The following ZBTB24 variants were observed in gnomAD, a reference collection of about 807,000 sequenced individuals.
ZBTB24 encodes the protein zinc finger and BTB domain-containing protein 24.
A neutral mutation model predicts 53.8 loss-of-function variants in ZBTB24; 32 were observed. The observed-to-expected ratio is 0.60, with a 90% CI of 0.45 to 0.80. ZBTB24 has a LOEUF of 0.80. Ranked by LOEUF, ZBTB24 falls within the 30% of genes least tolerant of loss-of-function variation. The probability of loss-of-function intolerance (pLI) is 0.00; values close to 1 mark genes in which losing one functional copy is unlikely to be tolerated. For synonymous variants in ZBTB24, 297 were observed against 306.7 expected (o/e 0.97, Z 0.33); for missense variants, 722 against 837.1 (o/e 0.86, Z 1.70).
At chr6:109,476,644 T>C in intron 3 of ZBTB24, 119 bp downstream of exon 3, 1 of 1,398,660 alleles carries the variant, frequency 7.1e-7, no homozygotes, top group Non-Finnish European at 9.8e-7. Context: ...AATCCTGTCT[T>C]TCAATGACAC....
rs762041405 is a variant in ZBTB24, at chr6:109,482,047, G to A, written c.-21C>T. On this transcript the variant is annotated 5_prime_UTR_variant, in exon 2 of 7. Coordinates refer to ENST00000230122, the MANE Select transcript of ZBTB24 (RefSeq NM_014797.3). ...GCCATTTTCTTCAGAAGCCACTAAG[G>A]GTTAAATCTGAAATAAGAAAACAAG... The A allele has an allele frequency of 1.2e-6, 2 of 1,606,382 alleles. No homozygotes were observed. The highest frequency in any genetic ancestry group is 1.1e-5 in the South Asian group (1 of 90,888).
intron 2 of ZBTB24, among the ~76,000 whole-genome samples, chr6:109,477,752 C>T (rs1157857222): frequency 6.6e-6 from 1 of 152,186 alleles, no homozygotes. Context: ...TGATGAGACT[C>T]CCCCACTCCT....
chr6:109,468,837 T>C (rs1265677883), intron 5 of ZBTB24, among the ~76,000 whole-genome samples: 1 of 151,704 alleles, frequency 6.6e-6, no homozygotes, highest in East Asian at 1.9e-4. Flanking sequence ...ATTCAGTGTG[T>C]TTGCATGCTG....
At chr6:109,468,363 A>G (rs1243026316) in intron 5 of ZBTB24, among the ~76,000 whole-genome samples, 1 of 151,976 alleles carries the variant, frequency 6.6e-6, no homozygotes, top group Non-Finnish European at 1.5e-5. Context: ...TTCCCACCCC[A>G]GGATAAAACC....
intron 5 of ZBTB24, among the ~76,000 whole-genome samples, chr6:109,475,040 C>CT (rs1286558326): frequency 2.8e-5 from 3 of 107,836 alleles, no homozygotes; most frequent in South Asian, 3.5e-4. Flanking sequence ...AAGCCCTTAT[C>CT]TTTAAAAAAA....
chr6:109,476,657 C>A, intron 3 of ZBTB24, 106 bp downstream of exon 3: 7 of 1,449,604 alleles, frequency 4.8e-6, no homozygotes, highest in Non-Finnish European at 6.5e-6. Flanking sequence ...AATGACACCA[C>A]GTTGGAAATG....
chr6:109,468,047 A>G (rs1358002304), intron 5 of ZBTB24, among the ~76,000 whole-genome samples: 6 of 152,222 alleles, frequency 3.9e-5, no homozygotes, highest in South Asian at 4.1e-4. Context: ...TAGATATTAC[A>G]GCACCTATGC....
chr6:109,476,764 T>C lies in ZBTB24; in HGVS notation c.1119A>G (p.Ser373=). 1 of 1,612,998 alleles carries C rather than the reference T, an allele frequency of 6.2e-7. No homozygotes were observed. ...HSLLEHMSLH[S]GQKSFTCDQC... is the part of the protein sequence containing the mutation. ...GGCCCTCTGGGCAAGCCCCACTACC[T>C]GAGTGCAGGCTCATGTGCTCCAGCA... Residue 373 remains serine (S), a splice_region_variant and synonymous_variant, in exon 3 of 7, where the codon TCA becomes TCG. Transcript: ENST00000230122.
intron 5 of ZBTB24, among the ~76,000 whole-genome samples, chr6:109,473,837 C>T (rs576953133): frequency 6.6e-6 from 1 of 152,130 alleles, no homozygotes; most frequent in South Asian, 2.1e-4. Flanking sequence ...AATCCCAGCG[C>T]TTTGGGAGGC....
chr6:109,469,104 G>A (rs1776114200), intron 5 of ZBTB24, among the ~76,000 whole-genome samples: 1 of 152,214 alleles, frequency 6.6e-6, no homozygotes, highest in Non-Finnish European at 1.5e-5. Flanking sequence ...GAGGACAGCT[G>A]TAACAACTCG....
At chr6:109,475,792 T>G (rs1776266035) in intron 4 of ZBTB24, among the ~76,000 whole-genome samples, 1 of 152,134 alleles carries the variant, frequency 6.6e-6, no homozygotes, top group Non-Finnish European at 1.5e-5. Flanking sequence ...TCTTATCAGT[T>G]GGCAGGAAAG....
Position 109,466,100 on chromosome 6 carries a change from TTC to T in ZBTB24, c.1843_1844del (p.Glu615ThrfsTer9), listed in dbSNP as rs1448833870. 1.9e-6 allele frequency: 3 copies of T among 1,614,244 alleles called. No individual in the cohort carries two copies. The highest frequency in any genetic ancestry group is 1.1e-5 in the South Asian group (1 of 91,076). ...CAATCATATTGAGGCTCTGAATGTG[TTC>T]TGTTTGCTCCTGTTGAGCTGAAAGA... Reference protein sequence around the residue: ...LILSAQQEQTEHIQSLNMIES... With the variant: ...LILSAQQEQTXHIQSLNMIES... On this transcript the variant is annotated frameshift_variant, in exon 7 of 7. Coordinates refer to ENST00000230122, the MANE Select transcript of ZBTB24 (RefSeq NM_014797.3). LOFTEE classifies it high-confidence loss of function.
chr6:109,468,866 GT>G (rs1776108414), intron 5 of ZBTB24, among the ~76,000 whole-genome samples: 1 of 149,126 alleles, frequency 6.7e-6, no homozygotes, highest in South Asian at 2.1e-4. Context: ...ATGACAGACT[GT>G]TCATGTTCCC....
chr6:109,466,309 TAG>T lies in ZBTB24; in HGVS notation c.1634_1635del (p.Ser545TyrfsTer17). 3 of 1,614,144 alleles carry T rather than the reference TAG, an allele frequency of 1.9e-6. No individual in the cohort carries two copies. Among genetic ancestry groups the T allele is most frequent in the Non-Finnish European group, 2.5e-6 (3 of 1,180,032 alleles). ...NILQLQPYQL[S>X]TSGEQEIQLL... ...AGCTGAATTTCCTGCTCTCCCGAGGTAGAGAGTTGATATGGCTGTAGCTGAAG... is the reference window on the plus strand; with the variant it reads ...AGCTGAATTTCCTGCTCTCCCGAGGTAGAGTTGATATGGCTGTAGCTGAAG... On this transcript the variant is annotated frameshift_variant, in exon 7 of 7. Coordinates refer to ENST00000230122, the MANE Select transcript of ZBTB24 (RefSeq NM_014797.3). LOFTEE classifies it high-confidence loss of function.
In ZBTB24 at chr6:109,475,389, G is replaced by C; in HGVS notation, c.1288+10C>G. The C allele has an allele frequency of 6.2e-7, 1 of 1,614,124 alleles. No homozygotes were observed. Among genetic ancestry groups the C allele is most frequent in the Non-Finnish European group, 8.5e-7 (1 of 1,179,998 alleles). ...CGTGTACTGGGGGGACAGACGAGATGGAGTTTTACCTGTGTGTGTTCGCAG... is the reference window on the plus strand; with the variant it reads ...CGTGTACTGGGGGGACAGACGAGATCGAGTTTTACCTGTGTGTGTTCGCAG... On this transcript the variant is annotated intron_variant, in intron 5 of 6. Coordinates refer to ENST00000230122, the MANE Select transcript of ZBTB24 (RefSeq NM_014797.3).
intron 1 of ZBTB24, among the ~76,000 whole-genome samples, chr6:109,482,857 A>G (rs1338640427): frequency 1.3e-5 from 2 of 152,222 alleles, no homozygotes; most frequent in East Asian, 3.9e-4. Context: ...AGTGAATGTG[A>G]GGTAGCTGCA....
At chr6:109,478,272 A>G (rs1213012172) in intron 2 of ZBTB24, among the ~76,000 whole-genome samples, 1 of 152,248 alleles carries the variant, frequency 6.6e-6, no homozygotes, top group Admixed American at 6.5e-5. Context: ...CCTTGGATAT[A>G]GATTAAAAGA....
rs1054409501 is a variant in ZBTB24 at position 109,483,129 on chromosome 6, C to G, written c.-60G>C. ...GCCTGGCGGGAGACCCACGCCGGGG[C>G]CCGCTGGCCCTCCGCTCCGCCCCGC... On this transcript the variant is annotated 5_prime_UTR_variant, in exon 1 of 7. Coordinates refer to ENST00000230122, the MANE Select transcript of ZBTB24 (RefSeq NM_014797.3). The G allele has an allele frequency of 2.0e-5, 3 of 152,182 alleles. No homozygotes were observed. The highest frequency in any genetic ancestry group is 2.1e-4 in the South Asian group (1 of 4,840). The allele number at this position is 152,182 out of a possible 1,614,324, so 9.4% of individuals were successfully genotyped here. A position where few individuals can be genotyped will look rare whatever the true frequency, so the allele number is the denominator to read the frequency against.
intron 2 of ZBTB24, among the ~76,000 whole-genome samples, chr6:109,477,490 C>G (rs1312435050): frequency 6.6e-6 from 1 of 152,056 alleles, no homozygotes; most frequent in Non-Finnish European, 1.5e-5. Flanking sequence ...TCCTAAGGCT[C>G]AGGAATTGGT....
Sources: gnomAD v4.1 joint callset for allele counts (sites outside exome capture counted in the v4.1 genomes callset) on GRCh38, gnomAD v4.1.1 for gene constraint, MANE v1.5 for transcripts, NCBI Gene and HGNC (gene_info 2026-07-23, HGNC 2026-07-21) for gene names.